RORB: variants seen among roughly 807,000 people sequenced by gnomAD.
RORB encodes RAR related orphan receptor B.
A neutral mutation model predicts 59.1 loss-of-function variants in RORB; 6 were observed. The ratio of observed to expected loss-of-function variants is 0.10; its 90% CI spans 0.06 to 0.20. The LOEUF (loss-of-function observed/expected upper bound fraction) is 0.20, where lower values mean the gene tolerates loss of function less well. Ranked by LOEUF, RORB falls within the 10% of genes least tolerant of loss-of-function variation. The pLI, the probability that RORB is intolerant of heterozygous loss-of-function variation, is 1.00. For synonymous variants in RORB, 215 were observed against 204.5 expected, an observed-to-expected ratio of 1.05 and a Z score of -0.44; for missense variants, 320 against 560.5, an observed-to-expected ratio of 0.57 and a Z score of 4.33.
intron 1 of RORB, among the ~76,000 whole-genome samples, chr9:74,503,749 AC>A (rs937324256): frequency 6.6e-6 from 1 of 152,062 alleles, no homozygotes; most frequent in Non-Finnish European, 1.5e-5. Context: ...GTAGCGCAAG[AC>A]AAAGGAAGCA....
At chr9:74,616,073 T>TA (rs1213260409) in intron 1 of RORB, among the ~76,000 whole-genome samples, 2 of 152,208 alleles carry the variant, frequency 1.3e-5, no homozygotes, top group Non-Finnish European at 2.9e-5. Flanking sequence ...TTATCATATG[T>TA]AAAAAATATA....
intron 4 of RORB, among the ~76,000 whole-genome samples, chr9:74,658,580 A>G (rs1392394220): frequency 1.3e-5 from 2 of 152,240 alleles, no homozygotes; most frequent in Non-Finnish European, 2.9e-5. Flanking sequence ...GTAAATTACC[A>G]ACAAATCAGC....
Position 74,541,256 on chromosome 9 carries a change from G to A in RORB, c.7+43273G>A, listed in dbSNP as rs1186368215. On this transcript the variant is annotated intron_variant, in intron 1 of 9. Coordinates refer to ENST00000376896, the MANE Select transcript of RORB (RefSeq NM_006914.4). The stretch of plus-strand genomic sequence containing the variant: ...GATCGCGCCACTGCTCTCCAGCCTG[G>A]GCAACAGAAAGAGACTCCATCTCAA... Among the ~76,000 whole-genome samples the A allele has an allele frequency of 7.0e-5, 7 of 100,158 alleles. 1 individual carries two copies. In the South Asian group the frequency reaches 2.0e-3, roughly 28 times the overall value. The allele number at this position is 100,158 out of a possible 152,430, so 65.7% of individuals were successfully genotyped here. A position where few individuals can be genotyped will look rare whatever the true frequency, so the allele number is the denominator to read the frequency against.
chr9:74,498,339 G>GGAGCAGTTT, intron 1 of RORB: 1 of 275,026 alleles, frequency 3.6e-6, no homozygotes, highest in Middle Eastern at 1.1e-3. Flanking sequence ...CCTCTGGACA[G>GGAGCAGTTT]GAGCAGTTTG....
At chr9:74,620,464 T>G (rs1005626700) in intron 1 of RORB, among the ~76,000 whole-genome samples, 1 of 145,548 alleles carries the variant, frequency 6.9e-6, no homozygotes, top group Admixed American at 7.0e-5. Flanking sequence ...TAGCAGTCTA[T>G]CGATTTTGTT....
chr9:74,646,142 AAT>A (rs1284565912), intron 4 of RORB, among the ~76,000 whole-genome samples: 1 of 152,026 alleles, frequency 6.6e-6, no homozygotes, highest in Non-Finnish European at 1.5e-5. Flanking sequence ...AAAAAAAAAA[AAT>A]TTAACATCAC....
At chr9:74,591,582 T>A (rs1822893914) in intron 1 of RORB, among the ~76,000 whole-genome samples, 1 of 152,178 alleles carries the variant, frequency 6.6e-6, no homozygotes, top group South Asian at 2.1e-4. Flanking sequence ...TCCTGGAGAC[T>A]AGTCTGATTA....
intron 1 of RORB, among the ~76,000 whole-genome samples, chr9:74,615,361 C>T (rs902257607): frequency 7.2e-5 from 11 of 152,144 alleles, no homozygotes; most frequent in African/African-American, 1.9e-4. Flanking sequence ...CATTCTTTAG[C>T]GAATAAGTAG....
At chr9:74,585,724 G>A (rs1822788147) in intron 1 of RORB, among the ~76,000 whole-genome samples, 1 of 152,054 alleles carries the variant, frequency 6.6e-6, no homozygotes, top group African/African-American at 2.4e-5. Context: ...CTAACCCTAT[G>A]TAAGCTCATG....
At chr9:74,660,111 G>C (rs1347505720) in intron 4 of RORB, among the ~76,000 whole-genome samples, 6 of 151,860 alleles carry the variant, frequency 4.0e-5, no homozygotes, top group Non-Finnish European at 7.4e-5. Flanking sequence ...CCTTGTCTCT[G>C]CATTCTGTTC....
At chr9:74,513,289 A>G (rs79174736) in intron 1 of RORB, among the ~76,000 whole-genome samples, 2,221 of 152,220 alleles carry the variant, frequency 0.015, 51 homozygotes, top group African/African-American at 0.05. Flanking sequence ...CAAAAGTACC[A>G]GAATTAAGTG....
intron 1 of RORB, among the ~76,000 whole-genome samples, chr9:74,557,717 T>A (rs538838881): frequency 1.3e-5 from 2 of 152,198 alleles, no homozygotes; most frequent in East Asian, 3.9e-4. Flanking sequence ...GGACTCTTTA[T>A]AATATCCCTC....
At chr9:74,676,880 A>T (rs902620786) in intron 9 of RORB, among the ~76,000 whole-genome samples, 1 of 152,248 alleles carries the variant, frequency 6.6e-6, no homozygotes, top group Non-Finnish European at 1.5e-5. Context: ...GTTAATGAAA[A>T]TGCAATGGGA....
rs1396421813 is a variant in RORB, at chr9:74,691,685, A to T, written c.*6067A>T. On this transcript the variant is annotated 3_prime_UTR_variant, in exon 10 of 10. Coordinates refer to ENST00000376896, the MANE Select transcript of RORB (RefSeq NM_006914.4). Reference sequence around the variant, plus strand: ...CTGTTTAAGCATAAGACTTTGTAACAATTTTTTTAGAGGGGGAAAATCAAC... The same window carrying T: ...CTGTTTAAGCATAAGACTTTGTAACTATTTTTTTAGAGGGGGAAAATCAAC... The T allele has an allele frequency of 6.6e-6, 1 of 152,164 alleles. No homozygotes were observed. The highest frequency in any genetic ancestry group is 1.5e-5 in the Non-Finnish European group (1 of 68,024). 9.4% of individuals were successfully genotyped at this position (152,164 alleles called of 1,614,324 possible). A position where few individuals can be genotyped will look rare whatever the true frequency, so the allele number is the denominator to read the frequency against.
At chr9:74,571,512 T>C (rs912929154) in intron 1 of RORB, among the ~76,000 whole-genome samples, 2 of 152,180 alleles carry the variant, frequency 1.3e-5, no homozygotes, top group Admixed American at 1.3e-4. Flanking sequence ...CTTGAAAAAG[T>C]TATCGTTGTT....
rs554820581 is a variant in RORB at position 74,666,548 on chromosome 9, G to A, written c.1000+953G>A. Among the ~76,000 whole-genome samples, 135 of 151,946 alleles carry A rather than the reference G, an allele frequency of 8.9e-4. 1 individual carries two copies. Among genetic ancestry groups the A allele is most frequent in the South Asian group, 4.2e-3 (20 of 4,814 alleles). ...GGCTGAATTATAGATCATTCTTTGT[G>A]AAATCAGCTTTTTTTTTTCAACTTT... On this transcript the variant is annotated intron_variant, in intron 7 of 9. Coordinates refer to ENST00000376896, the MANE Select transcript of RORB (RefSeq NM_006914.4).
chr9:74,590,828 G>A (rs771823958), intron 1 of RORB, among the ~76,000 whole-genome samples: 3 of 152,154 alleles, frequency 2.0e-5, no homozygotes, highest in Non-Finnish European at 4.4e-5. Flanking sequence ...GTCTCGTTCT[G>A]TCACCTTGGC....
At chr9:74,564,604 T>C (rs1256951527) in intron 1 of RORB, among the ~76,000 whole-genome samples, 1 of 152,234 alleles carries the variant, frequency 6.6e-6, no homozygotes, top group Non-Finnish European at 1.5e-5. Flanking sequence ...ATTTCTGCAG[T>C]CATTACTTTG....
intron 4 of RORB, among the ~76,000 whole-genome samples, chr9:74,654,850 A>G (rs889993595): frequency 6.6e-6 from 1 of 152,172 alleles, no homozygotes; most frequent in African/African-American, 2.4e-5. Flanking sequence ...GGGGGGAAAA[A>G]GTTTTATGTG....
Sources: allele counts gnomAD v4.1 joint callset (sites outside exome capture counted in the v4.1 genomes callset), GRCh38; gene constraint gnomAD v4.1.1; transcripts MANE v1.5; gene names NCBI Gene and HGNC (gene_info 2026-07-23, HGNC 2026-07-21).